Variants in ADM2 observed in about 807,000 individuals in gnomAD.
ADM2 encodes adrenomedullin 2.
Under a neutral mutation model 7.1 loss-of-function variants are expected in ADM2, and 5 were observed. That is an observed-to-expected ratio of 0.71 (90% confidence interval 0.37 to 1.49). The LOEUF is 1.49. Ranked by LOEUF, ADM2 falls within the 40% of genes most tolerant of loss-of-function variation. The probability of loss-of-function intolerance (pLI) is 0.03; values close to 1 mark genes in which losing one functional copy is unlikely to be tolerated. For synonymous variants in ADM2, 123 were observed against 92.8 expected (o/e 1.33, Z -1.87); for missense variants, 236 against 211.2 (o/e 1.12, Z -0.73).
Position 50,484,309 on chromosome 22 carries a change from CAG to C in ADM2, c.*1407_*1408del, listed in dbSNP as rs1369769915. 1 of 152,864 alleles carries C rather than the reference CAG, an allele frequency of 6.5e-6. No homozygotes were observed. Among genetic ancestry groups the C allele is most frequent in the Non-Finnish European group, 1.5e-5 (1 of 68,540 alleles). The allele number at this position is 152,864 out of a possible 1,614,324, so 9.5% of individuals were successfully genotyped here. ...GTACTAGGATTGCAGCAAAGGTGGT[CAG>C]GGTGATGGGCCGCACAGCGAGGCAG... On this transcript the variant is annotated 3_prime_UTR_variant, in exon 3 of 3. Transcript: ENST00000395737.
chr22:50,483,367 C>A lies in ADM2; in HGVS notation c.*464C>A. On this transcript the variant is annotated 3_prime_UTR_variant, in exon 3 of 3. Coordinates refer to ENST00000395737, the MANE Select transcript of ADM2 (RefSeq NM_001253845.2). ...ATGCACAACCAGCCCTTCCACGTGC[C>A]TGCCTGTGGGACAGGAGGGGGAGCG... 2.3e-6 allele frequency: 1 copy of A among 433,248 alleles called. No individual in the cohort carries two copies. 26.8% of individuals were successfully genotyped at this position (433,248 alleles called of 1,614,324 possible).
At position 50,484,764 on chromosome 22, in the gene ADM2, G is replaced by C. The variant is rs989529567; in HGVS notation, c.*1861G>C. 2 of 152,292 alleles carry C rather than the reference G, an allele frequency of 1.3e-5. No individual in the cohort carries two copies. Among genetic ancestry groups the C allele is most frequent in the Admixed American group, 6.5e-5 (1 of 15,282 alleles). 9.4% of individuals were successfully genotyped at this position (152,292 alleles called of 1,614,324 possible). ...TACCCTCCTCATGCCCTGTAGTCAGGAGGCCGCCTGCTGTAACCCTCCGTG... is the reference window on the plus strand; with the variant it reads ...TACCCTCCTCATGCCCTGTAGTCAGCAGGCCGCCTGCTGTAACCCTCCGTG... On this transcript the variant is annotated 3_prime_UTR_variant, in exon 3 of 3. Transcript: ENST00000395737.
chr22:50,482,080 A>G, intron 2 of ADM2, 123 bp downstream of exon 2: 1 of 890,392 alleles, frequency 1.1e-6, no homozygotes, highest in South Asian at 1.7e-5. Flanking sequence ...TCCCAAACAA[A>G]GGCCCCTACC....
At position 50,482,796 on chromosome 22, in the gene ADM2, A is replaced by T. The variant is rs1371290598; in HGVS notation, c.340A>T (p.Thr114Ser). 1 of 1,607,822 alleles carries T rather than the reference A, an allele frequency of 6.2e-7. No homozygotes were observed. Among genetic ancestry groups the T allele is most frequent in the Non-Finnish European group, 8.5e-7 (1 of 1,179,202 alleles). ...QLLRVGCVLG[T>S]CQVQNLSHRL... ...CCTGCGAGTGGGCTGTGTGCTGGGC[A>T]CCTGCCAGGTGCAGAATCTCAGCCA... The change falls in exon 3 of 3, where the codon ACC becomes TCC. Residue 114 changes from threonine (T) to serine (S), a missense_variant. Thr to Ser is a moderately conservative substitution (Grantham distance 58). Coordinates refer to ENST00000395737, the MANE Select transcript of ADM2 (RefSeq NM_001253845.2).
rs1286770826 is a variant in ADM2 at position 50,482,949 on chromosome 22, G to GC, written c.*51dup. 1 of 1,544,820 alleles carries GC rather than the reference G, an allele frequency of 6.5e-7. No individual in the cohort carries two copies. Among genetic ancestry groups the GC allele is most frequent in the Admixed American group, 1.9e-5 (1 of 51,850 alleles). ...CTGCCCATCCCAGCCAGGGTGCTGTGCCCCCGTCCAGAGCTGCAGCTGAGC... is the reference window on the plus strand; with the variant it reads ...CTGCCCATCCCAGCCAGGGTGCTGTGCCCCCCGTCCAGAGCTGCAGCTGAGC... On this transcript the variant is annotated 3_prime_UTR_variant, in exon 3 of 3. Coordinates refer to ENST00000395737, the MANE Select transcript of ADM2 (RefSeq NM_001253845.2).
chr22:50,482,245 T>C (rs1037194099), intron 2 of ADM2, among the ~76,000 whole-genome samples: 1 of 152,166 alleles, frequency 6.6e-6, no homozygotes, highest in African/African-American at 2.4e-5. Flanking sequence ...CTGGCCGGCC[T>C]GTGACCACCC....
chr22:50,482,490 TA>T, intron 2 of ADM2, 76 bp from the exon 3 acceptor site: 2 of 1,433,608 alleles, frequency 1.4e-6, no homozygotes, highest in Non-Finnish European at 9.1e-7. Context: ...CAGGCCTGTG[TA>T]GAGGCAAAAG....
Position 50,484,912 on chromosome 22 carries a change from G to A in ADM2, c.*2009G>A, listed in dbSNP as rs976704909. Reference sequence around the variant, plus strand: ...CGGCCAGGCCCCGTGGCTCACACCTGTAATCCTAGCACATTGGGAGGCCAA... The same window carrying A: ...CGGCCAGGCCCCGTGGCTCACACCTATAATCCTAGCACATTGGGAGGCCAA... On this transcript the variant is annotated 3_prime_UTR_variant, in exon 3 of 3. Coordinates refer to ENST00000395737, the MANE Select transcript of ADM2 (RefSeq NM_001253845.2). The A allele has an allele frequency of 6.9e-6, 1 of 145,968 alleles. No individual in the cohort carries two copies. Among genetic ancestry groups the A allele is most frequent in the South Asian group, 2.2e-4 (1 of 4,568 alleles). The allele number at this position is 145,968 out of a possible 1,614,324, so 9.0% of individuals were successfully genotyped here. A position where few individuals can be genotyped will look rare whatever the true frequency, so the allele number is the denominator to read the frequency against.
chr22:50,483,830 C>G lies in ADM2; in HGVS notation c.*927C>G, dbSNP rs1254978991. The G allele has an allele frequency of 1.3e-5, 2 of 159,426 alleles. No homozygotes were observed. Among genetic ancestry groups the G allele is most frequent in the Admixed American group, 1.2e-4 (2 of 16,476 alleles). 9.9% of individuals were successfully genotyped at this position (159,426 alleles called of 1,614,324 possible). Reference sequence around the variant, plus strand: ...AGGGCAGCCCAGGCCCAAGTGACAGCAAGAACAAGAACCACTGCCGGCGTG... The same window carrying G: ...AGGGCAGCCCAGGCCCAAGTGACAGGAAGAACAAGAACCACTGCCGGCGTG... On this transcript the variant is annotated 3_prime_UTR_variant, in exon 3 of 3. Transcript: ENST00000395737.
At chr22:50,482,532 G>A (rs112116921) in intron 2 of ADM2, 35 bp from the exon 3 acceptor site, 7 of 1,446,396 alleles carry the variant, frequency 4.8e-6, no homozygotes, top group African/African-American at 4.3e-5. Context: ...AAAAGGCTGA[G>A]CCATCTGGTT....
rs2068266033 is a variant in ADM2 at position 50,486,227 on chromosome 22, A to G, written c.*3324A>G. ...CCCTCGATATCTGATCCCATTCCTC[A>G]TCTCCCACCCTTGATCTCATCACCC... is the stretch of plus-strand genomic sequence containing the variant. On this transcript the variant is annotated 3_prime_UTR_variant, in exon 3 of 3. Transcript: ENST00000395737. The G allele has an allele frequency of 6.6e-6, 1 of 152,026 alleles. No individual in the cohort carries two copies. Among genetic ancestry groups the G allele is most frequent in the Non-Finnish European group, 1.5e-5 (1 of 68,230 alleles). The allele number at this position is 152,026 out of a possible 1,614,324, so 9.4% of individuals were successfully genotyped here.
Position 50,482,692 on chromosome 22 carries a change from G to T in ADM2, c.236G>T (p.Gly79Val). 1 of 1,604,150 alleles carries T rather than the reference G, an allele frequency of 6.2e-7. No homozygotes were observed. Among genetic ancestry groups the T allele is most frequent in the African/African-American group, 1.3e-5 (1 of 74,916 alleles). ...GGTGCCGGCCTGGCCCCTGTTATGG[G>T]TCAGCCTCTCCGGGATGGTGGCCGC... ...QRGAGLAPVMGQPLRDGGRQH... is the reference protein window; with the variant it reads ...QRGAGLAPVMVQPLRDGGRQH... Residue 79 changes from glycine (G) to valine (V), a missense_variant, in exon 3 of 3, where the codon GGT becomes GTT. By Grantham distance (109) the Gly-to-Val change is moderately radical. Coordinates refer to ENST00000395737, the MANE Select transcript of ADM2 (RefSeq NM_001253845.2).
In ADM2 at chr22:50,481,566, G is replaced by A; in HGVS notation, c.-209G>A. ...CTGGAAAGGCTACGTATTCAGCCCT[G>A]GAGGTGCCATCCCGGGCCGCGACTC... On this transcript the variant is annotated 5_prime_UTR_variant, in exon 1 of 3. Transcript: ENST00000395737. The A allele has an allele frequency of 4.7e-6, 1 of 212,750 alleles. No homozygotes were observed. The highest frequency in any genetic ancestry group is 2.3e-5 in the African/African-American group (1 of 43,134). 13.2% of individuals were successfully genotyped at this position (212,750 alleles called of 1,614,324 possible). A position where few individuals can be genotyped will look rare whatever the true frequency, so the allele number is the denominator to read the frequency against.
chr22:50,481,926 C>T lies in ADM2; in HGVS notation c.79C>T (p.Leu27=). 6.5e-7 allele frequency: 1 copy of T among 1,537,584 alleles called. No individual in the cohort carries two copies. Among genetic ancestry groups the T allele is most frequent in the Non-Finnish European group, 8.7e-7 (1 of 1,143,596 alleles). Residue 27 remains leucine, a synonymous_variant, in exon 2 of 3, where the codon CTG becomes TTG. Coordinates refer to ENST00000395737, the MANE Select transcript of ADM2 (RefSeq NM_001253845.2). ...LQLPGSLSRS[L]GGDPRPVKPR... ...GCTCCCTGGCTCGCTGTCCCGCAGC[C>T]TGGGCGGGGACCCGCGACCCGTCAA...
chr22:50,484,513 A>T lies in ADM2; in HGVS notation c.*1610A>T, dbSNP rs2068239638. ...GAGTCATGTGCCCTGTGACCACTGA[A>T]GGGTGTCAGCAGAGCACACGGCATG... On this transcript the variant is annotated 3_prime_UTR_variant, in exon 3 of 3. Transcript: ENST00000395737. 6.6e-6 allele frequency: 1 copy of T among 152,226 alleles called. No homozygotes were observed. The highest frequency in any genetic ancestry group is 2.4e-5 in the African/African-American group (1 of 41,380). 9.4% of individuals were successfully genotyped at this position (152,226 alleles called of 1,614,324 possible).
chr22:50,484,172 T>C lies in ADM2; in HGVS notation c.*1269T>C, dbSNP rs2068234943. 1 of 152,228 alleles carries C rather than the reference T, an allele frequency of 6.6e-6. No individual in the cohort carries two copies. Among genetic ancestry groups the C allele is most frequent in the African/African-American group, 2.4e-5 (1 of 41,420 alleles). 9.4% of individuals were successfully genotyped at this position (152,228 alleles called of 1,614,324 possible). On this transcript the variant is annotated 3_prime_UTR_variant, in exon 3 of 3. Transcript: ENST00000395737. ...ACCCAGGCGCCGCCCCTGTGCTTGC[T>C]CCCCGAGCTCAGGGATTGCCGAGTC... is the stretch of plus-strand genomic sequence containing the variant.
chr22:50,484,281 G>C lies in ADM2; in HGVS notation c.*1378G>C, dbSNP rs975074266. ...CTGTGGAGGCCTCCGTGCACTGAGA[G>C]ATGTACTAGGATTGCAGCAAAGGTG... On this transcript the variant is annotated 3_prime_UTR_variant, in exon 3 of 3. Transcript: ENST00000395737. 6.6e-6 allele frequency: 1 copy of C among 152,584 alleles called. No individual in the cohort carries two copies. Among genetic ancestry groups the C allele is most frequent in the Non-Finnish European group, 1.5e-5 (1 of 68,368 alleles). The allele number at this position is 152,584 out of a possible 1,614,324, so 9.5% of individuals were successfully genotyped here. A position where few individuals can be genotyped will look rare whatever the true frequency, so the allele number is the denominator to read the frequency against.
Position 50,482,918 on chromosome 22 carries a change from A to AC in ADM2, c.*16dup. On this transcript the variant is annotated 3_prime_UTR_variant, in exon 3 of 3. Coordinates refer to ENST00000395737, the MANE Select transcript of ADM2 (RefSeq NM_001253845.2). ...GCTATGGCTGAGGTGGGGCCGGGCC[A>AC]CACCCCTGCCCATCCCAGCCAGGGT... The AC allele has an allele frequency of 6.4e-7, 1 of 1,571,162 alleles. No individual in the cohort carries two copies. Among genetic ancestry groups the AC allele is most frequent in the Non-Finnish European group, 8.6e-7 (1 of 1,164,268 alleles).
At chr22:50,481,812 C>T (rs1359003243) in intron 1 of ADM2, 25 bp from the exon 2 acceptor site, 7 of 1,425,608 alleles carry the variant, frequency 4.9e-6, no homozygotes, top group Middle Eastern at 4.7e-4. Context: ...CCGACGTGCC[C>T]GGCTCACCGC....
Sources: gnomAD v4.1 joint callset for allele counts (sites outside exome capture counted in the v4.1 genomes callset) on GRCh38, gnomAD v4.1.1 for gene constraint, MANE v1.5 for transcripts, NCBI Gene and HGNC (gene_info 2026-07-23, HGNC 2026-07-21) for gene names.